The following PALS1 variants were observed in gnomAD, a reference collection of about 807,000 sequenced individuals.
PALS1 encodes the protein protein PALS1.
In PALS1, 31 loss-of-function variants were observed where a neutral mutation model predicts 78.9. The ratio of observed to expected loss-of-function variants is 0.39; its 90% CI spans 0.30 to 0.53. The LOEUF (loss-of-function observed/expected upper bound fraction) is 0.53, where lower values mean the gene tolerates loss of function less well. PALS1 is among the 20% of genes least tolerant of loss of function. The pLI is 0.67. For synonymous variants in PALS1, 276 were observed against 270.9 expected, an observed-to-expected ratio of 1.02 and a Z score of -0.18; for missense variants, 704 against 826.5, an observed-to-expected ratio of 0.85 and a Z score of 1.82.
intron 4 of PALS1, among the ~76,000 whole-genome samples, chr14:67,296,328 C>A (rs1328342997): frequency 6.6e-6 from 1 of 152,052 alleles, no homozygotes; most frequent in African/African-American, 2.4e-5. Flanking sequence ...ACGCCGGATG[C>A]AGTGGCTCAC....
chr14:67,304,526 A>G lies in PALS1; in HGVS notation c.1041+927A>G, dbSNP rs2084973908. Among the ~76,000 whole-genome samples the G allele has an allele frequency of 2.0e-5, 3 of 152,224 alleles. No individual in the cohort carries two copies. In the South Asian group the frequency reaches 6.2e-4, roughly 32 times the overall value. Reference sequence around the variant, plus strand: ...AACCTTGAAGAAATTATGCTGAGCGAAGGAAGCCAGTCACAAAAGGCCATA... The same window carrying G: ...AACCTTGAAGAAATTATGCTGAGCGGAGGAAGCCAGTCACAAAAGGCCATA... On this transcript the variant is annotated intron_variant, in intron 8 of 14. Transcript: ENST00000261681.
chr14:67,257,667 A>G (rs1432697239), intron 1 of PALS1, among the ~76,000 whole-genome samples: 2 of 152,122 alleles, frequency 1.3e-5, no homozygotes, highest in South Asian at 2.1e-4. Flanking sequence ...GTATATATGT[A>G]TGTATATATA....
At chr14:67,318,320 AAATTT>A (rs2085209645) in intron 11 of PALS1, among the ~76,000 whole-genome samples, 1 of 146,620 alleles carries the variant, frequency 6.8e-6, no homozygotes, top group Admixed American at 6.9e-5. Context: ...CAACTTTAAT[AAATTT>A]TTTTCTAAAA....
chr14:67,245,844 G>A (rs957341432), intron 1 of PALS1, among the ~76,000 whole-genome samples: 18 of 151,366 alleles, frequency 1.2e-4, no homozygotes, highest in Admixed American at 1.1e-3. Flanking sequence ...CTCAATCCAC[G>A]GTCAGAGAGA....
At chr14:67,284,533 C>A (rs898075118) in intron 3 of PALS1, among the ~76,000 whole-genome samples, 1 of 106,816 alleles carries the variant, frequency 9.4e-6, no homozygotes, top group African/African-American at 3.6e-5. Context: ...CCCAGGAGAT[C>A]GAGGCTGCAG....
chr14:67,329,275 C>G (rs189300208), intron 14 of PALS1, among the ~76,000 whole-genome samples: 21 of 151,566 alleles, frequency 1.4e-4, no homozygotes, highest in Non-Finnish European at 2.5e-4. Context: ...TTGGCTCTCT[C>G]TTTGTCTGTT....
At chr14:67,324,424 T>C (rs1474160866) in intron 14 of PALS1, among the ~76,000 whole-genome samples, 1 of 152,184 alleles carries the variant, frequency 6.6e-6, no homozygotes. Flanking sequence ...TGTTCTTCCT[T>C]GTTTTTTTTG....
intron 1 of PALS1, among the ~76,000 whole-genome samples, chr14:67,266,049 C>G (rs965687374): frequency 3.3e-4 from 50 of 152,086 alleles, no homozygotes; most frequent in African/African-American, 1.2e-3. Flanking sequence ...CTCAGTGATA[C>G]TCCTGTCTCT....
intron 9 of PALS1, among the ~76,000 whole-genome samples, chr14:67,316,350 A>G (rs1036245790): frequency 6.6e-6 from 1 of 152,184 alleles, no homozygotes; most frequent in African/African-American, 2.4e-5. Flanking sequence ...TACACAAAAG[A>G]AGAGGAATTG....
At chr14:67,248,649 C>T (rs75570435) in intron 1 of PALS1, among the ~76,000 whole-genome samples, 1 of 152,062 alleles carries the variant, frequency 6.6e-6, no homozygotes, top group Middle Eastern at 3.2e-3. Flanking sequence ...CAACAACTTT[C>T]GGTAAGTATT....
chr14:67,315,838 T>A (rs1007482828), intron 9 of PALS1, among the ~76,000 whole-genome samples: 2 of 152,196 alleles, frequency 1.3e-5, no homozygotes, highest in Admixed American at 6.5e-5. Context: ...GGCATGCGAA[T>A]CCCTTGAACC....
chr14:67,335,325 A>G lies in PALS1; in HGVS notation c.*2369A>G, dbSNP rs1595629851. 2 of 152,372 alleles carry G rather than the reference A, an allele frequency of 1.3e-5. No homozygotes were observed. The highest frequency in any genetic ancestry group is 4.1e-4 in the South Asian group (2 of 4,832). 9.4% of individuals were successfully genotyped at this position (152,372 alleles called of 1,614,324 possible). A position where few individuals can be genotyped will look rare whatever the true frequency, so the allele number is the denominator to read the frequency against. Reference sequence around the variant, plus strand: ...AAAGCCTTGCTGTACACCTAGTTGTACAGCCACTCTGGCCAATTCCATTTC... The same window carrying G: ...AAAGCCTTGCTGTACACCTAGTTGTGCAGCCACTCTGGCCAATTCCATTTC... On this transcript the variant is annotated 3_prime_UTR_variant, in exon 15 of 15. Coordinates refer to ENST00000261681, the MANE Select transcript of PALS1 (RefSeq NM_022474.4).
At chr14:67,273,319 G>C (rs1018336466) in intron 2 of PALS1, among the ~76,000 whole-genome samples, 1 of 143,568 alleles carries the variant, frequency 7.0e-6, no homozygotes, top group African/African-American at 2.6e-5. Flanking sequence ...TCCCCACCCT[G>C]TGTCCAAGTG....
At chr14:67,280,974 A>G (rs2084601616) in intron 3 of PALS1, among the ~76,000 whole-genome samples, 1 of 150,028 alleles carries the variant, frequency 6.7e-6, no homozygotes, top group Admixed American at 6.7e-5. Context: ...TTCGGCTCAC[A>G]GCAATCTCCG....
chr14:67,303,132 G>A (rs954904530), intron 7 of PALS1, among the ~76,000 whole-genome samples: 3 of 152,218 alleles, frequency 2.0e-5, no homozygotes. Flanking sequence ...CCATTATTAA[G>A]ATACAGAAAT....
At chr14:67,285,674 G>A (rs2084674380) in intron 3 of PALS1, among the ~76,000 whole-genome samples, 1 of 151,898 alleles carries the variant, frequency 6.6e-6, no homozygotes, top group African/African-American at 2.4e-5. Flanking sequence ...GACCCCCTTA[G>A]GTAATTTTAA....
intron 1 of PALS1, among the ~76,000 whole-genome samples, chr14:67,268,114 A>G (rs998130065): frequency 6.6e-6 from 1 of 152,210 alleles, no homozygotes; most frequent in Admixed American, 6.5e-5. Context: ...TCTCAGTCAT[A>G]TGGAAACTGT....
At chr14:67,332,384 C>A (rs1321155119) in intron 14 of PALS1, among the ~76,000 whole-genome samples, 1 of 152,170 alleles carries the variant, frequency 6.6e-6, no homozygotes, top group Non-Finnish European at 1.5e-5. Context: ...TAGGTCCTTG[C>A]TCCAACCAGA....
At position 67,302,567 on chromosome 14, in the gene PALS1, T is replaced by G. The variant is rs1210595749; in HGVS notation, c.959T>G (p.Leu320Trp). ...AAAGATGTCAATGAGGTTTTTGACT[T>G]GTTGGTAAGTTGACGCAGCTAGAAG... ...RGKDVNEVFD[L>W]LSDMHGTLTF... The change falls in exon 7 of 15, where the codon TTG (leucine) becomes TGG (tryptophan). Residue 320 changes from leucine (L) to tryptophan (W), a missense_variant. By Grantham distance (61) the Leu-to-Trp change is moderately conservative (BLOSUM62 -2). Coordinates refer to ENST00000261681, the MANE Select transcript of PALS1 (RefSeq NM_022474.4). 1 of 1,500,312 alleles carries G rather than the reference T, an allele frequency of 6.7e-7. No homozygotes were observed. The highest frequency in any genetic ancestry group is 2.1e-5 in the Admixed American group (1 of 48,220). 92.9% of individuals were successfully genotyped at this position (1,500,312 alleles called of 1,614,324 possible).
Sources: gnomAD v4.1 joint callset for allele counts (sites outside exome capture counted in the v4.1 genomes callset) on GRCh38, gnomAD v4.1.1 for gene constraint, MANE v1.5 for transcripts, NCBI Gene and HGNC (gene_info 2026-07-23, HGNC 2026-07-21) for gene names.